TMEM62: variants seen among roughly 807,000 people sequenced by gnomAD.
TMEM62 encodes transmembrane protein 62.
TMEM62 carries 41 observed loss-of-function variants against 70.4 expected under a neutral mutation model. The observed-to-expected ratio is 0.58, with a 90% confidence interval of 0.45 to 0.76. The LOEUF is 0.76. Ranked by LOEUF, TMEM62 falls within the 30% of genes least tolerant of loss-of-function variation. The probability of loss-of-function intolerance (pLI) is 0.00; values close to 1 mark genes in which losing one functional copy is unlikely to be tolerated. For synonymous variants in TMEM62, 268 were observed against 291.0 expected (o/e 0.92, Z 0.80); for missense variants, 688 against 788.5 (o/e 0.87, Z 1.53).
intron 4 of TMEM62, among the ~76,000 whole-genome samples, chr15:43,141,351 T>C (rs1018148294): frequency 1.3e-5 from 2 of 152,228 alleles, no homozygotes; most frequent in Admixed American, 6.5e-5. Flanking sequence ...CTAAATCTAC[T>C]CTGCCTGTGT....
chr15:43,151,319 G>GA (rs896405823), intron 7 of TMEM62, among the ~76,000 whole-genome samples: 2,126 of 53,422 alleles, frequency 0.04, 37 homozygotes, highest in African/African-American at 0.099. Flanking sequence ...TCAAAAATAA[G>GA]AAAAAAAAAA....
At chr15:43,161,426 T>G (rs1173320443) in intron 10 of TMEM62, among the ~76,000 whole-genome samples, 3 of 152,084 alleles carry the variant, frequency 2.0e-5, no homozygotes, top group African/African-American at 7.2e-5. Flanking sequence ...CTATGCCAAC[T>G]TGGGTTAAGG....
At chr15:43,135,859 G>A (rs867842439) in intron 3 of TMEM62, 2 of 452,836 alleles carry the variant, frequency 4.4e-6, no homozygotes, top group African/African-American at 2.0e-5. Flanking sequence ...TCCTTTTTTT[G>A]TGACATATGC....
At position 43,138,589 on chromosome 15, in the gene TMEM62, C is replaced by A; in HGVS notation, c.446C>A (p.Pro149Gln). Reference protein sequence around the residue: ...IKGNHDAFNIPSLDSIKNYYR... With the variant: ...IKGNHDAFNIQSLDSIKNYYR... The stretch of plus-strand genomic sequence containing the variant: ...TTTAAATTAGATGCATTCAATATTC[C>A]AAGTCTGGACAGCATCAAGAATTAT... Residue 149 changes from proline to glutamine, a missense_variant, in exon 4 of 14, where the codon CCA becomes CAA. Transcript: ENST00000260403. The A allele has an allele frequency of 1.3e-6, 2 of 1,590,904 alleles. No individual in the cohort carries two copies. Among genetic ancestry groups the A allele is most frequent in the Admixed American group, 1.7e-5 (1 of 57,806 alleles).
chr15:43,148,317 A>G (rs1038957583), intron 5 of TMEM62, among the ~76,000 whole-genome samples: 1 of 152,152 alleles, frequency 6.6e-6, no homozygotes, highest in Non-Finnish European at 1.5e-5. Context: ...GTGCTGTTCC[A>G]TCGTGTGGAT....
intron 7 of TMEM62, among the ~76,000 whole-genome samples, chr15:43,150,509 G>T (rs2037235895): frequency 6.6e-6 from 1 of 152,136 alleles, no homozygotes; most frequent in African/African-American, 2.4e-5. Flanking sequence ...CACTTAAATT[G>T]TGTTAGTTAC....
chr15:43,150,119 T>C (rs1327837945), intron 7 of TMEM62, among the ~76,000 whole-genome samples: 1 of 152,234 alleles, frequency 6.6e-6, no homozygotes, highest in African/African-American at 2.4e-5. Context: ...ATGTTATCTT[T>C]TTATTTTTAA....
intron 4 of TMEM62, among the ~76,000 whole-genome samples, chr15:43,145,140 CATAAA>C (rs1424183192): frequency 7.1e-6 from 1 of 140,900 alleles, no homozygotes; most frequent in Non-Finnish European, 1.5e-5. Flanking sequence ...AATAACTGAA[CATAAA>C]ATAAGCAAGA....
chr15:43,151,165 G>A (rs1475036888), intron 7 of TMEM62, among the ~76,000 whole-genome samples: 1 of 152,118 alleles, frequency 6.6e-6, no homozygotes, highest in African/African-American at 2.4e-5. Flanking sequence ...GGCCAACATG[G>A]TGAAACCCTA....
At chr15:43,176,058 C>T (rs533464068) in intron 11 of TMEM62, among the ~76,000 whole-genome samples, 18 of 152,380 alleles carry the variant, frequency 1.2e-4, no homozygotes, top group South Asian at 1.0e-3. Flanking sequence ...GAGGGTCCTA[C>T]ACCCACGGAG....
At position 43,133,958 on chromosome 15, in the gene TMEM62, C is replaced by G. The variant is rs1330416598; in HGVS notation, c.156C>G (p.Asp52Glu). ...RRPHPAPGPG[D>E]SNIFWGLQIS... is the part of the protein sequence containing the mutation. Reference sequence around the variant, plus strand: ...CGCACCCTGCGCCAGGGCCCGGAGACAGCAACATCTTCTGGGGCCTGCAGG... The same window carrying G: ...CGCACCCTGCGCCAGGGCCCGGAGAGAGCAACATCTTCTGGGGCCTGCAGG... Residue 52 changes from aspartate to glutamate, a missense_variant, in exon 1 of 14, where the codon GAC becomes GAG. By Grantham distance (45) the Asp-to-Glu change is conservative (BLOSUM62 2). Transcript: ENST00000260403. 3 of 1,462,922 alleles carry G rather than the reference C, an allele frequency of 2.1e-6. No homozygotes were observed. Among genetic ancestry groups the G allele is most frequent in the Non-Finnish European group, 2.7e-6 (3 of 1,116,184 alleles). The allele number at this position is 1,462,922 out of a possible 1,614,324, so 90.6% of individuals were successfully genotyped here.
In TMEM62 at chr15:43,165,640, G is replaced by A. The variant is rs2039312191; in HGVS notation, c.1297-3953G>A. Among the ~76,000 whole-genome samples the A allele has an allele frequency of 2.6e-5, 4 of 152,070 alleles. No homozygotes were observed. In the South Asian group the frequency reaches 8.3e-4, roughly 31 times the overall value. On this transcript the variant is annotated intron_variant, in intron 10 of 13. Coordinates refer to ENST00000260403, the MANE Select transcript of TMEM62 (RefSeq NM_024956.4). Reference sequence around the variant, plus strand: ...CTCAGCTACTCGGGAGGCTGAGGCAGGAGAATGGCATGAACCCAGGAGGCG... The same window carrying A: ...CTCAGCTACTCGGGAGGCTGAGGCAAGAGAATGGCATGAACCCAGGAGGCG...
intron 7 of TMEM62, among the ~76,000 whole-genome samples, chr15:43,151,131 C>T (rs999017498): frequency 8.6e-5 from 13 of 151,988 alleles, no homozygotes; most frequent in African/African-American, 2.9e-4. Flanking sequence ...GGATCACCTG[C>T]GGTCAGGAGT....
chr15:43,167,011 C>T (rs1407311052), intron 10 of TMEM62, among the ~76,000 whole-genome samples: 1 of 152,194 alleles, frequency 6.6e-6, no homozygotes, highest in South Asian at 2.1e-4. Flanking sequence ...TCCACAAAAC[C>T]GCCATTGTCA....
At chr15:43,142,163 T>C (rs919105354) in intron 4 of TMEM62, among the ~76,000 whole-genome samples, 10 of 112,504 alleles carry the variant, frequency 8.9e-5, no homozygotes, top group African/African-American at 3.4e-4. Flanking sequence ...ATAGAGAAAT[T>C]CTTTTTTTTT....
chr15:43,171,683 A>T (rs2040216125), intron 11 of TMEM62, among the ~76,000 whole-genome samples: 1 of 138,090 alleles, frequency 7.2e-6, no homozygotes, highest in Admixed American at 8.2e-5. Context: ...GCTGGAGTGC[A>T]GTGGCGCAAT....
intron 3 of TMEM62, 31 bp downstream of exon 3, chr15:43,135,680 C>A: frequency 6.5e-7 from 1 of 1,544,442 alleles, no homozygotes; most frequent in Non-Finnish European, 8.7e-7. Flanking sequence ...ACAATAAAGA[C>A]AAGAGTTTTT....
Position 43,135,507 on chromosome 15 carries a change from T to G in TMEM62, c.293-5T>G. 1 of 1,587,124 alleles carries G rather than the reference T, an allele frequency of 6.3e-7. No individual in the cohort carries two copies. Among genetic ancestry groups the G allele is most frequent in the Non-Finnish European group, 8.5e-7 (1 of 1,173,398 alleles). ...TTGTGATTCAATTCTTGTGTAAACC[T>G]ACAGGAGACCTGACAGATGCCAAAA... On this transcript the variant is annotated splice_polypyrimidine_tract_variant and splice_region_variant and intron_variant, in intron 2 of 13. Transcript: ENST00000260403.
At chr15:43,157,500 T>TA (rs1207797013) in intron 9 of TMEM62, among the ~76,000 whole-genome samples, 1 of 152,142 alleles carries the variant, frequency 6.6e-6, no homozygotes, top group Non-Finnish European at 1.5e-5. Flanking sequence ...AATAAAAGCT[T>TA]AAAAAACACA....
Sources: allele counts gnomAD v4.1 joint callset (sites outside exome capture counted in the v4.1 genomes callset), GRCh38; gene constraint gnomAD v4.1.1; transcripts MANE v1.5; gene names NCBI Gene and HGNC (gene_info 2026-07-23, HGNC 2026-07-21).